The following COA6 variants were observed in gnomAD, a reference collection of about 807,000 sequenced individuals.
COA6 encodes cytochrome c oxidase assembly factor 6 homolog.
A neutral mutation model predicts 17.1 loss-of-function variants in COA6; 12 were observed. The observed-to-expected ratio is 0.70, with a 90% CI of 0.45 to 1.14. The LOEUF (loss-of-function observed/expected upper bound fraction) is 1.14, where lower values mean the gene tolerates loss of function less well. Ranked by LOEUF, COA6 falls within the 50% of genes most tolerant of loss-of-function variation. The pLI is 0.00. For missense variants in COA6, 246 were observed against 196.5 expected (o/e 1.25, Z -1.51); for synonymous variants, 90 against 73.4 (o/e 1.23, Z -1.16).
At chr1:234,373,963 C>T (rs1658699333) in intron 1 of COA6, 2 of 1,231,422 alleles carry the variant, frequency 1.6e-6, no homozygotes, top group Non-Finnish European at 2.2e-6. Context: ...CTCAGCCGGG[C>T]TTTCTGAGCC....
In COA6 at chr1:234,373,506, C is replaced by A. The variant is rs773444701; in HGVS notation, c.40C>A (p.Arg14Ser). 1.6e-5 allele frequency: 25 copies of A among 1,603,790 alleles called. 2 individuals are homozygous for A. The South Asian group carries it at 2.8e-4, about 18-fold the overall frequency. The change falls in exon 1 of 3, where the codon CGC becomes AGC. Residue 14 changes from arginine (R) to serine (S), a missense_variant. Arg to Ser is a moderately radical substitution (Grantham distance 110). Coordinates refer to ENST00000366615, the MANE Select transcript of COA6 (RefSeq NM_001206641.3). ...RKGQKSPRFR[R>S]VSCFLRLGRS... The stretch of plus-strand genomic sequence containing the variant: ...GGGTCAAAAGAGTCCGCGGTTTCGC[C>A]GCGTGAGTTGCTTTTTGCGGCTGGG...
intron 1 of COA6, chr1:234,373,880 C>T (rs752797814): frequency 2.5e-6 from 4 of 1,596,754 alleles, no homozygotes; most frequent in East Asian, 2.2e-5. Context: ...CTGCTGTCCC[C>T]GCTTTACTGG....
chr1:234,373,796 G>C (rs1658689544), intron 1 of COA6, 118 bp downstream of exon 1: 1 of 1,613,656 alleles, frequency 6.2e-7, no homozygotes, highest in Admixed American at 1.7e-5. Context: ...CCAATCGCCT[G>C]CTTGGTGATT....
chr1:234,382,943 G>A (rs971212172), intron 2 of COA6, among the ~76,000 whole-genome samples: 4 of 151,602 alleles, frequency 2.6e-5, no homozygotes, highest in Admixed American at 6.6e-5. Context: ...GGAGGCGGAC[G>A]TTGCAGTGAG....
intron 2 of COA6, among the ~76,000 whole-genome samples, 164 bp downstream of exon 2, chr1:234,374,553 AC>A (rs753089910): frequency 2.0e-5 from 3 of 152,234 alleles, no homozygotes; most frequent in Non-Finnish European, 2.9e-5. Context: ...TGACGCACTT[AC>A]ATCAGCTAGA....
chr1:234,378,904 A>C (rs1658885796), intron 2 of COA6, among the ~76,000 whole-genome samples: 1 of 152,068 alleles, frequency 6.6e-6, no homozygotes, highest in African/African-American at 2.4e-5. Context: ...AACAAACAAA[A>C]AAAGCAACAA....
Position 234,373,549 on chromosome 1 carries a change from A to G in COA6, c.83A>G (p.Glu28Gly). ...FLRLGRSTLL[E>G]LEPAGRPCSG... ...CGGCTGGGGAGGTCTACGCTTCTAG[A>G]GCTTGAGCCAGCGGGGCGACCCTGC... Residue 28 changes from glutamate (E) to glycine (G), a missense_variant, in exon 1 of 3, where the codon GAG becomes GGG. Transcript: ENST00000366615. 1 of 1,611,718 alleles carries G rather than the reference A, an allele frequency of 6.2e-7. No individual in the cohort carries two copies. Among genetic ancestry groups the G allele is most frequent in the Non-Finnish European group, 8.5e-7 (1 of 1,179,274 alleles).
chr1:234,375,626 A>G (rs1658770203), intron 2 of COA6, among the ~76,000 whole-genome samples: 1 of 152,290 alleles, frequency 6.6e-6, no homozygotes, highest in Non-Finnish European at 1.5e-5. Context: ...GCTGGGGATG[A>G]ACACAGTGAA....
At chr1:234,376,833 C>T (rs1658809403) in intron 2 of COA6, among the ~76,000 whole-genome samples, 1 of 152,230 alleles carries the variant, frequency 6.6e-6, no homozygotes, top group African/African-American at 2.4e-5. Flanking sequence ...GCTCCCTTCT[C>T]TGCTACTCAC....
At chr1:234,376,838 A>G (rs1020837678) in intron 2 of COA6, among the ~76,000 whole-genome samples, 56 of 152,154 alleles carry the variant, frequency 3.7e-4, no homozygotes, top group African/African-American at 1.3e-3. Flanking sequence ...CTTCTCTGCT[A>G]CTCACTCGAC....
At chr1:234,378,205 G>T (rs1658866251) in intron 2 of COA6, among the ~76,000 whole-genome samples, 1 of 152,196 alleles carries the variant, frequency 6.6e-6, no homozygotes, top group Non-Finnish European at 1.5e-5. Flanking sequence ...AAATATAGAT[G>T]ATGGCCCTAC....
intron 1 of COA6, chr1:234,373,973 C>A: frequency 8.6e-7 from 1 of 1,168,874 alleles, no homozygotes; most frequent in Non-Finnish European, 1.2e-6. Context: ...CTTTCTGAGC[C>A]CACGCTGCCG....
rs60111174 is a variant in COA6 at position 234,385,038 on chromosome 1, A to ACTT, written c.*1221_*1223dup. The stretch of plus-strand genomic sequence containing the variant: ...AGTATATATGCCTTCATTTTAAAAT[A>ACTT]CTTTTTATTACTAAAAAATGCTAAA... On this transcript the variant is annotated 3_prime_UTR_variant, in exon 3 of 3. Coordinates refer to ENST00000366615, the MANE Select transcript of COA6 (RefSeq NM_001206641.3). Among the ~76,000 whole-genome samples the ACTT allele has an allele frequency of 0.28, 42,250 of 152,044 alleles. 6,795 individuals carry two copies. The highest frequency in any genetic ancestry group is 0.38 in the Admixed American group (5,782 of 15,270).
intron 2 of COA6, among the ~76,000 whole-genome samples, chr1:234,379,004 ATTTTT>A (rs377669777): frequency 2.2e-5 from 3 of 136,434 alleles, no homozygotes; most frequent in Non-Finnish European, 4.8e-5. Context: ...TACTTTTTTA[ATTTTT>A]TTTTTTTTTT....
At position 234,374,335 on chromosome 1, in the gene COA6, T is replaced by C; in HGVS notation, c.318T>C (p.Ala106=). The C allele has an allele frequency of 6.2e-7, 1 of 1,614,134 alleles. No individual in the cohort carries two copies. Among genetic ancestry groups the C allele is most frequent in the Non-Finnish European group, 8.5e-7 (1 of 1,180,026 alleles). Residue 106 remains alanine, a synonymous_variant, in exon 2 of 3, where the codon GCT becomes GCC. Coordinates refer to ENST00000366615, the MANE Select transcript of COA6 (RefSeq NM_001206641.3). ...WKCLDENLED[A]SQCKKLRSSF... is the part of the protein sequence containing the mutation. ...GTTTAGATGAGAACTTAGAGGATGC[T>C]TCTCAATGCAAGAAGTTAAGAAGCT...
rs1406004293 is a variant in COA6, at chr1:234,374,202, T to G, written c.213-28T>G. ...CTCTTCAGATTACAAAGTTCATTGTTAATCTCAAATATTATTTTGGCCAAC... is the reference window on the plus strand; with the variant it reads ...CTCTTCAGATTACAAAGTTCATTGTGAATCTCAAATATTATTTTGGCCAAC... On this transcript the variant is annotated intron_variant, in intron 1 of 2. Transcript: ENST00000366615. 1.9e-6 allele frequency: 3 copies of G among 1,594,968 alleles called. No individual in the cohort carries two copies. The Admixed American group carries it at 5.4e-5, about 29-fold the overall frequency.
chr1:234,374,012 G>C (rs1288502566), intron 1 of COA6: 3 of 970,774 alleles, frequency 3.1e-6, no homozygotes, highest in South Asian at 1.8e-5. Flanking sequence ...CACACAGTGT[G>C]AGATAAGCCT....
At chr1:234,383,274 T>C (rs907022767) in intron 2 of COA6, among the ~76,000 whole-genome samples, 1 of 151,678 alleles carries the variant, frequency 6.6e-6, no homozygotes, top group Non-Finnish European at 1.5e-5. Context: ...TAGGATTCAC[T>C]GGTCTGTACT....
chr1:234,378,547 G>A (rs1320942353), intron 2 of COA6, among the ~76,000 whole-genome samples: 1 of 152,180 alleles, frequency 6.6e-6, no homozygotes, highest in Non-Finnish European at 1.5e-5. Flanking sequence ...TGGTGAAGAC[G>A]ATTCCAGGCA....
Sources: allele counts gnomAD v4.1 joint callset (sites outside exome capture counted in the v4.1 genomes callset), GRCh38; gene constraint gnomAD v4.1.1; transcripts MANE v1.5; gene names NCBI Gene and HGNC (gene_info 2026-07-23, HGNC 2026-07-21).